DCLRE1C: variants seen among roughly 807,000 people sequenced by gnomAD.
The protein encoded by DCLRE1C is DNA cross-link repair 1C.
A neutral mutation model predicts 61.4 loss-of-function variants in DCLRE1C; 47 were observed. That is an observed-to-expected ratio of 0.77 (90% CI 0.61 to 0.98). The LOEUF (loss-of-function observed/expected upper bound fraction) is 0.98. DCLRE1C is among the 50% of genes least tolerant of loss of function. DCLRE1C has a pLI of 0.00. For synonymous variants in DCLRE1C, 337 were observed against 287.6 expected, an observed-to-expected ratio of 1.17 and a Z score of -1.74; for missense variants, 858 against 816.0, an observed-to-expected ratio of 1.05 and a Z score of -0.63.
intron 9 of DCLRE1C, among the ~76,000 whole-genome samples, chr10:14,930,277 CCTTTT>C (rs1292894736): frequency 1.8e-3 from 224 of 127,450 alleles, no homozygotes; most frequent in African/African-American, 6.8e-3. Context: ...ACACTCAGCA[CCTTTT>C]TTTTTTTTTT....
At chr10:14,946,298 G>A (rs1208941417) in intron 2 of DCLRE1C, among the ~76,000 whole-genome samples, 6 of 151,886 alleles carry the variant, frequency 4.0e-5, no homozygotes, top group African/African-American at 7.3e-5. Flanking sequence ...ATGAGCCACC[G>A]CGCCCAGACC....
chr10:14,899,647 G>A, downstream of DCLRE1C: 3 of 1,614,020 alleles, frequency 1.9e-6, 1 homozygote, highest in South Asian at 3.3e-5. Context: ...AGTGGATGCG[G>A]CTCGATACGG....
rs1172520873 is a variant in DCLRE1C at position 14,904,953 on chromosome 10, C to T, written c.*3455G>A. 1.3e-5 allele frequency among the ~76,000 whole-genome samples: 2 copies of T among 152,162 alleles called. No homozygotes were observed. The highest frequency in any genetic ancestry group is 4.8e-5 in the African/African-American group (2 of 41,434). ...TTAGTAATCTCAGGGTTTTTTCCCCCATATCTAAAATGTAGACAATAGTTG... is the reference window on the plus strand; with the variant it reads ...TTAGTAATCTCAGGGTTTTTTCCCCTATATCTAAAATGTAGACAATAGTTG... On this transcript the variant is annotated 3_prime_UTR_variant, in exon 14 of 14. Coordinates refer to ENST00000378278, the MANE Select transcript of DCLRE1C (RefSeq NM_001033855.3).
In DCLRE1C at chr10:14,909,114, T is replaced by C. The variant is rs1046631; in HGVS notation, c.1373A>G (p.Glu458Gly). 1.9e-6 allele frequency: 3 copies of C among 1,614,234 alleles called. No individual in the cohort carries two copies. The highest frequency in any genetic ancestry group is 3.3e-4 in the Middle Eastern group (2 of 6,062). Reference protein sequence around the residue: ...NFVDCEESNSESEEEVGIPAS... With the variant: ...NFVDCEESNSGSEEEVGIPAS... Reference sequence around the variant, plus strand: ...TGGGATTCCTACTTCTTCTTCACTTTCACTGTTGGATTCTTCACAATCTAC... The same window carrying C: ...TGGGATTCCTACTTCTTCTTCACTTCCACTGTTGGATTCTTCACAATCTAC... The change falls in exon 14 of 14, where the codon GAA becomes GGA. Residue 458 changes from glutamate (E) to glycine (G), a missense_variant. Glu to Gly is a moderately conservative substitution (Grantham distance 98, BLOSUM62 -2). Around this residue, in one of 2 missense-constraint regions of DCLRE1C, gnomAD observed 843 missense variants for 783.5 expected, o/e 1.08. Coordinates refer to ENST00000378278, the MANE Select transcript of DCLRE1C (RefSeq NM_001033855.3).
intron 13 of DCLRE1C, among the ~76,000 whole-genome samples, chr10:14,918,629 TAA>T (rs57588352): frequency 8.7e-5 from 12 of 138,544 alleles, no homozygotes; most frequent in Admixed American, 2.2e-4. Flanking sequence ...AGCTGTTTTT[TAA>T]AAAAAAAAAA....
rs911550454 is a variant in DCLRE1C at position 14,899,275 on chromosome 10, G to C, written c.1194C>G (p.Cys398Trp). Reference sequence around the variant, plus strand: ...TTAAAGGATACAGGGAGTCATGATGGCACCACCGCATTCTAGCCTGAGTGA... The same window carrying C: ...TTAAAGGATACAGGGAGTCATGATGCCACCACCGCATTCTAGCCTGAGTGA... The change falls in exon 14 of 14, where the codon TGC (cysteine) becomes TGG (tryptophan). Residue 398 changes from cysteine (C) to tryptophan (W), a missense_variant. Coordinates refer to the DCLRE1C transcript ENST00000378289. 1.0e-5 allele frequency: 7 copies of C among 701,884 alleles called. No individual in the cohort carries two copies. The African/African-American group carries it at 1.2e-4, about 12-fold the overall frequency. The allele number at this position is 701,884 out of a possible 1,614,324, so 43.5% of individuals were successfully genotyped here.
At chr10:14,924,364 G>C (rs1028408518) in intron 11 of DCLRE1C, among the ~76,000 whole-genome samples, 1 of 152,190 alleles carries the variant, frequency 6.6e-6, no homozygotes, top group Non-Finnish European at 1.5e-5. Flanking sequence ...CTAAACAGAG[G>C]AACTCTGTCA....
At chr10:14,909,467 G>A in intron 13 of DCLRE1C, 137 bp from the exon 14 acceptor site, 1 of 761,054 alleles carries the variant, frequency 1.3e-6, no homozygotes, top group Admixed American at 2.8e-5. Flanking sequence ...ATATTCTTGG[G>A]ATATGCTGAA....
chr10:14,909,156 G>T lies in DCLRE1C; in HGVS notation c.1331C>A (p.Ser444Tyr). The T allele has an allele frequency of 6.2e-7, 1 of 1,614,186 alleles. No homozygotes were observed. The highest frequency in any genetic ancestry group is 8.5e-7 in the Non-Finnish European group (1 of 1,180,030). Residue 444 changes from serine to tyrosine, a missense_variant, in exon 14 of 14, where the codon TCT becomes TAT. This residue lies in a region of DCLRE1C where 843 missense variants were observed against 783.5 expected (regional missense o/e 1.08). Coordinates refer to ENST00000378278, the MANE Select transcript of DCLRE1C (RefSeq NM_001033855.3). ...ACAATCTACAAAGTTTGTGAAACGA[G>T]AGCTCTGCATACACTCTGCTCTGCA... ...GCCRAECMQSSRFTNFVDCEE... is the reference protein window; with the variant it reads ...GCCRAECMQSYRFTNFVDCEE...
chr10:14,932,509 C>T (rs1294226017), intron 9 of DCLRE1C, among the ~76,000 whole-genome samples: 5 of 150,852 alleles, frequency 3.3e-5, no homozygotes, highest in South Asian at 2.1e-4. Context: ...TGGTGGCGGG[C>T]GCCTGTAGTC....
intron 3 of DCLRE1C, among the ~76,000 whole-genome samples, chr10:14,942,709 T>C (rs575287803): frequency 3.3e-5 from 5 of 152,318 alleles, no homozygotes; most frequent in South Asian, 2.1e-4. Flanking sequence ...GTTTCCACTT[T>C]GGTGCGGGTT....
chr10:14,944,371 A>C (rs2131095004), intron 3 of DCLRE1C, among the ~76,000 whole-genome samples: 1 of 152,068 alleles, frequency 6.6e-6, no homozygotes, highest in South Asian at 2.1e-4. Flanking sequence ...TGGTGGTGGG[A>C]TTCTGTAGTC....
intron 2 of DCLRE1C, chr10:14,945,532 T>C: frequency 9.0e-7 from 1 of 1,106,226 alleles, no homozygotes; most frequent in Non-Finnish European, 1.1e-6. Flanking sequence ...CCATTGTTAC[T>C]TGGAAATACG....
intron 1 of DCLRE1C, among the ~76,000 whole-genome samples, chr10:14,949,608 C>T (rs556829591): frequency 6.6e-6 from 1 of 152,278 alleles, no homozygotes; most frequent in Non-Finnish European, 1.5e-5. Context: ...ACTTGCTCCA[C>T]AGCGCTCCAC....
chr10:14,913,331 AT>A (rs1276534671), intron 13 of DCLRE1C, among the ~76,000 whole-genome samples: 5 of 152,376 alleles, frequency 3.3e-5, no homozygotes, highest in Admixed American at 6.5e-5. Context: ...TGATTGTACA[AT>A]TCTGTTATAC....
chr10:14,947,749 T>A (rs1173954908), intron 2 of DCLRE1C: 1 of 152,284 alleles, frequency 6.6e-6, no homozygotes, highest in Non-Finnish European at 1.5e-5. Context: ...ATGCCCGACA[T>A]GTCACAGGTG....
At position 14,908,327 on chromosome 10, in the gene DCLRE1C, G is replaced by T; in HGVS notation, c.*81C>A. 3.5e-6 allele frequency: 4 copies of T among 1,147,758 alleles called. No individual in the cohort carries two copies. Among genetic ancestry groups the T allele is most frequent in the Non-Finnish European group, 5.2e-6 (4 of 769,312 alleles). The allele number at this position is 1,147,758 out of a possible 1,614,324, so 71.1% of individuals were successfully genotyped here. A position where few individuals can be genotyped will look rare whatever the true frequency, so the allele number is the denominator to read the frequency against. Reference sequence around the variant, plus strand: ...GGTTATTTGAACATTTTTAAGTACTGTATTTTCTCTATTGTAATATTGACT... The same window carrying T: ...GGTTATTTGAACATTTTTAAGTACTTTATTTTCTCTATTGTAATATTGACT... On this transcript the variant is annotated 3_prime_UTR_variant, in exon 14 of 14. Transcript: ENST00000378278.
chr10:14,912,964 G>T (rs1835524167), intron 13 of DCLRE1C, among the ~76,000 whole-genome samples: 1 of 141,120 alleles, frequency 7.1e-6, no homozygotes, highest in African/African-American at 2.6e-5. Context: ...TTACAGGCGT[G>T]AGCCACTGTG....
chr10:14,919,064 G>C (rs1836668193), intron 13 of DCLRE1C, among the ~76,000 whole-genome samples: 1 of 152,240 alleles, frequency 6.6e-6, no homozygotes, highest in East Asian at 1.9e-4. Flanking sequence ...TCAAAAAATA[G>C]TATCATCATT....
Sources: gnomAD v4.1 joint callset for allele counts (sites outside exome capture counted in the v4.1 genomes callset) on GRCh38, gnomAD v4.1.1 for gene constraint, gnomAD v4.1.1 regional missense constraint, MANE v1.5 for transcripts, NCBI Gene and HGNC (gene_info 2026-07-23, HGNC 2026-07-21) for gene names.